The following NFRKB variants were observed in gnomAD, a reference collection of about 807,000 sequenced individuals.
The protein encoded by NFRKB is nuclear factor related to kappa-B-binding protein.
In NFRKB, 62 loss-of-function variants were observed where a neutral mutation model predicts 135.7. The ratio of observed to expected loss-of-function variants is 0.46; its 90% CI spans 0.37 to 0.56. The LOEUF (loss-of-function observed/expected upper bound fraction) is 0.56, where lower values mean the gene tolerates loss of function less well. Among genes scored for constraint, NFRKB ranks in the 20% least tolerant of loss-of-function variants. The probability of loss-of-function intolerance (pLI) is 0.00; values close to 1 mark genes in which losing one functional copy is unlikely to be tolerated. For synonymous variants in NFRKB, 678 were observed against 635.6 expected, an observed-to-expected ratio of 1.07 and a Z score of -1.00; for missense variants, 1,545 against 1,662.0, an observed-to-expected ratio of 0.93 and a Z score of 1.22.
rs776869977 is a variant in NFRKB at position 129,864,998 on chromosome 11, G to T, written c.3742C>A (p.Gln1248Lys). ...GCCTGACCTTGCTGCTGAAGCTGCT[G>T]CAACTGCTGAGCAGTGAGGAAACTA... is the stretch of plus-strand genomic sequence containing the variant. ...PVSFLTAQQL[Q>K]QLQQQGQATQ... Residue 1248 changes from glutamine to lysine, a missense_variant, in exon 26 of 27, where the codon CAG (glutamine) becomes AAG (lysine). Gln to Lys is a moderately conservative substitution (Grantham distance 53). Coordinates refer to ENST00000682444, the MANE Select transcript of NFRKB (RefSeq NM_001143835.2). 1 of 1,613,288 alleles carries T rather than the reference G, an allele frequency of 6.2e-7. No individual in the cohort carries two copies.
At chr11:129,879,009 T>C (rs1323756283) in intron 13 of NFRKB, among the ~76,000 whole-genome samples, 1 of 152,174 alleles carries the variant, frequency 6.6e-6, no homozygotes, top group Non-Finnish European at 1.5e-5. Context: ...GCATAGCAGT[T>C]AAGACCCAGG....
intron 8 of NFRKB, 65 bp downstream of exon 8, chr11:129,884,005 T>C (rs2303663): frequency 0.39 from 597,038 of 1,549,642 alleles, 118,986 homozygotes; most frequent in East Asian, 0.43. Context: ...CGTGTCTTCC[T>C]CAGGACAGCC....
intron 24 of NFRKB, among the ~76,000 whole-genome samples, chr11:129,867,480 C>T (rs1948257905): frequency 2.0e-5 from 3 of 152,058 alleles, no homozygotes; most frequent in Admixed American, 6.6e-5. Context: ...CCACGCCCGG[C>T]TAATTTTTCT....
At chr11:129,885,299 C>T in intron 6 of NFRKB, 136 bp downstream of exon 6, 7 of 973,702 alleles carry the variant, frequency 7.2e-6, no homozygotes, top group South Asian at 3.6e-5. Flanking sequence ...TTCTGAGTCC[C>T]GCTATGCACC....
intron 3 of NFRKB, among the ~76,000 whole-genome samples, chr11:129,890,037 T>TG (rs1949481172): frequency 6.6e-6 from 1 of 150,576 alleles, no homozygotes; most frequent in Non-Finnish European, 1.5e-5. Flanking sequence ...TTGTTTTTTT[T>TG]TTTTGTTTTT....
At chr11:129,881,584 A>G in intron 12 of NFRKB, 76 bp from the exon 13 acceptor site, 1 of 1,599,954 alleles carries the variant, frequency 6.3e-7, no homozygotes, top group Admixed American at 1.7e-5. Context: ...AGTGTTCCAC[A>G]ATGTATTAGA....
At chr11:129,890,595 T>C (rs893501960) in intron 3 of NFRKB, among the ~76,000 whole-genome samples, 2 of 152,248 alleles carry the variant, frequency 1.3e-5, no homozygotes, top group African/African-American at 4.8e-5. Flanking sequence ...GGGTGATGCA[T>C]AGATGACTGT....
At chr11:129,881,315 G>C (rs1057097641) in intron 13 of NFRKB, 128 bp downstream of exon 13, 1 of 903,400 alleles carries the variant, frequency 1.1e-6, no homozygotes, top group Non-Finnish European at 1.7e-6. Flanking sequence ...CCTTCACAGA[G>C]CAAAATAAGG....
chr11:129,888,223 A>AACACAC, intron 4 of NFRKB: 1 of 521,230 alleles, frequency 1.9e-6, no homozygotes, highest in Non-Finnish European at 3.4e-6. Context: ...TGTGTACCTA[A>AACACAC]ACACACACAC....
In NFRKB at chr11:129,869,686, T is replaced by C. The variant is rs748808381; in HGVS notation, c.3339A>G (p.Gln1113=). 4.3e-6 allele frequency: 7 copies of C among 1,614,108 alleles called. No homozygotes were observed. The Admixed American group carries it at 8.3e-5, about 19-fold the overall frequency. ...QTITVATHAK[Q]GASVASGSGT... is the part of the protein sequence containing the mutation. Reference sequence around the variant, plus strand: ...CAGACCCACTGGCCACCGAGGCCCCTTGCTTGGCGTGGGTTGCAACGGTGA... The same window carrying C: ...CAGACCCACTGGCCACCGAGGCCCCCTGCTTGGCGTGGGTTGCAACGGTGA... Residue 1113 remains glutamine (Q), a synonymous_variant, in exon 24 of 27, where the codon CAA becomes CAG. Transcript: ENST00000682444.
chr11:129,876,644 GAC>G lies in NFRKB; in HGVS notation c.1747+75_1747+76del, dbSNP rs1491296316. On this transcript the variant is annotated intron_variant, in intron 17 of 26. Transcript: ENST00000682444. ...ACCCTGGGTGGAGGGGTAAGGAGAG[GAC>G]AGAGTTCAGAGTTGGTAAGAGAAAA... 2.0e-5 allele frequency: 24 copies of G among 1,177,330 alleles called. No individual in the cohort carries two copies. The East Asian group carries it at 3.0e-4, about 15-fold the overall frequency. The allele number at this position is 1,177,330 out of a possible 1,614,324, so 72.9% of individuals were successfully genotyped here. A position where few individuals can be genotyped will look rare whatever the true frequency, so the allele number is the denominator to read the frequency against.
rs1053978033 is a variant in NFRKB, at chr11:129,877,191, T to TC, written c.1572+133dup. On this transcript the variant is annotated intron_variant, in intron 16 of 26. Coordinates refer to ENST00000682444, the MANE Select transcript of NFRKB (RefSeq NM_001143835.2). ...CACCGTTTCCACCCCCAACAAGTAA[T>TC]CCCAGCCAACAGAAGGTCTAAGGGG... 8 of 919,326 alleles carry TC rather than the reference T, an allele frequency of 8.7e-6. 1 individual carries two copies. The highest frequency in any genetic ancestry group is 1.2e-5 in the Non-Finnish European group (7 of 579,322). 56.9% of individuals were successfully genotyped at this position (919,326 alleles called of 1,614,324 possible).
At chr11:129,878,572 TA>T in intron 13 of NFRKB, 29 bp from the exon 14 acceptor site, 3 of 1,555,776 alleles carry the variant, frequency 1.9e-6, no homozygotes, top group Non-Finnish European at 2.7e-6. Flanking sequence ...GATAAAAAAA[TA>T]AGAAGGTCTA....
chr11:129,869,489 C>T lies in NFRKB; in HGVS notation c.3531+5G>A. The T allele has an allele frequency of 6.3e-7, 1 of 1,599,802 alleles. No homozygotes were observed. Reference sequence around the variant, plus strand: ...AAGGCCTAAGCTTTACCACTAGTTACTCACAGCCTGGGACGTGGACACAAC... The same window carrying T: ...AAGGCCTAAGCTTTACCACTAGTTATTCACAGCCTGGGACGTGGACACAAC... On this transcript the variant is annotated splice_donor_5th_base_variant and intron_variant, in intron 24 of 26. Transcript: ENST00000682444.
Position 129,878,487 on chromosome 11 carries a change from T to C in NFRKB, c.1441A>G (p.Thr481Ala), listed in dbSNP as rs1246376756. ...ACCTTACAGAAGGCCTGATCTTTGG[T>C]CTCTAGCCATAGCTGGAAGAGGGCA... Reference protein sequence around the residue: ...LAALFQLWLETKDQAFCKQEN... With the variant: ...LAALFQLWLEAKDQAFCKQEN... The change falls in exon 14 of 27, where the codon ACC becomes GCC. Residue 481 changes from threonine to alanine, a missense_variant. Transcript: ENST00000682444. 2 of 1,614,180 alleles carry C rather than the reference T, an allele frequency of 1.2e-6. No homozygotes were observed. Among genetic ancestry groups the C allele is most frequent in the East Asian group, 2.2e-5 (1 of 44,892 alleles).
rs764592309 is a variant in NFRKB, at chr11:129,892,781, C to T, written c.69G>A (p.Thr23=). The change falls in exon 3 of 27, where the codon ACG becomes ACA. Residue 23 remains threonine (T), a synonymous_variant. Transcript: ENST00000682444. ...CCAGGAGGCAATCCTCCATGATGCGCGTGCCATGGCCATCTCCACACGGAC... is the reference window on the plus strand; with the variant it reads ...CCAGGAGGCAATCCTCCATGATGCGTGTGCCATGGCCATCTCCACACGGAC... ...ELGPCGDGHG[T]RIMEDCLLGG... The T allele has an allele frequency of 1.2e-5, 20 of 1,614,058 alleles. No homozygotes were observed. The highest frequency in any genetic ancestry group is 1.6e-5 in the Non-Finnish European group (19 of 1,180,048).
chr11:129,886,509 A>G (rs1949286530), intron 4 of NFRKB, 65 bp from the exon 5 acceptor site: 2 of 1,429,902 alleles, frequency 1.4e-6, no homozygotes, highest in Admixed American at 1.7e-5. Flanking sequence ...GTCAACAAAT[A>G]TATTGAATGA....
chr11:129,883,268 T>G, intron 8 of NFRKB, 62 bp from the exon 9 acceptor site: 1 of 1,273,322 alleles, frequency 7.9e-7, no homozygotes, highest in Non-Finnish European at 1.1e-6. Flanking sequence ...CTGAGGTGAC[T>G]TTGCCAATTT....
rs1948581472 is a variant in NFRKB, at chr11:129,872,896, G to A, written c.2751C>T (p.Asn917=). The change falls in exon 23 of 27, where the codon AAC becomes AAT. Residue 917 remains asparagine (N), a synonymous_variant. Coordinates refer to ENST00000682444, the MANE Select transcript of NFRKB (RefSeq NM_001143835.2). ...GAGCCCCACCTACCTGCTTGATGATGTTCTGTCCTGTGACATTTTGAATGA... is the reference window on the plus strand; with the variant it reads ...GAGCCCCACCTACCTGCTTGATGATATTCTGTCCTGTGACATTTTGAATGA... The part of the protein sequence containing the change: ...AAVIQNVTGQ[N]IIKQVAITGQ... 6.2e-7 allele frequency: 1 copy of A among 1,608,918 alleles called. No homozygotes were observed. The highest frequency in any genetic ancestry group is 8.5e-7 in the Non-Finnish European group (1 of 1,176,228).
Sources: allele counts gnomAD v4.1 joint callset (sites outside exome capture counted in the v4.1 genomes callset), GRCh38; gene constraint gnomAD v4.1.1; transcripts MANE v1.5; gene names NCBI Gene and HGNC (gene_info 2026-07-23, HGNC 2026-07-21).